Variants in CTTN observed in about 807,000 individuals in gnomAD.
The protein encoded by CTTN is cortactin.
CTTN carries 28 observed loss-of-function variants against 84.0 expected under a neutral mutation model. That is an observed-to-expected ratio of 0.33 (90% CI 0.25 to 0.46). The LOEUF is 0.46. Among genes scored for constraint, CTTN ranks in the 20% least tolerant of loss-of-function variants. The probability of loss-of-function intolerance (pLI) is 1.00; values close to 1 mark genes in which losing one functional copy is unlikely to be tolerated. For synonymous variants in CTTN, 301 were observed against 288.8 expected (o/e 1.04, Z -0.43); for missense variants, 641 against 723.8 (o/e 0.89, Z 1.31).
chr11:70,407,222 G>T, intron 2 of CTTN, 76 bp from the exon 3 acceptor site: 2 of 1,235,018 alleles, frequency 1.6e-6, no homozygotes, highest in Non-Finnish European at 2.3e-6. Flanking sequence ...CGGTAGTTTT[G>T]GCCAAAGGGC....
At position 70,407,315 on chromosome 11, in the gene CTTN, A is replaced by G. The variant is rs773918766; in HGVS notation, c.18A>G (p.Ala6=). MWKAS[A]GHAVSIAQDD... ...TCTTTCAGATGTGGAAAGCTTCAGCAGGCCACGCTGTGTCCATCGCCCAGG... is the reference window on the plus strand; with the variant it reads ...TCTTTCAGATGTGGAAAGCTTCAGCGGGCCACGCTGTGTCCATCGCCCAGG... Residue 6 remains alanine, a synonymous_variant, in exon 3 of 18, where the codon GCA becomes GCG. Coordinates refer to ENST00000301843, the MANE Select transcript of CTTN (RefSeq NM_005231.4). The G allele has an allele frequency of 2.4e-5, 38 of 1,552,124 alleles. No individual in the cohort carries two copies. In the African/African-American group the frequency reaches 4.9e-4, roughly 20 times the overall value.
chr11:70,402,141 A>G (rs2057992856), intron 1 of CTTN, among the ~76,000 whole-genome samples: 1 of 152,224 alleles, frequency 6.6e-6, no homozygotes, highest in Admixed American at 6.5e-5. Context: ...CAACAGAGCA[A>G]GACTGTCTGA....
chr11:70,434,341 C>A (rs2058390805), intron 17 of CTTN, among the ~76,000 whole-genome samples: 1 of 152,244 alleles, frequency 6.6e-6, no homozygotes, highest in Admixed American at 6.5e-5. Flanking sequence ...CCACCTGGTC[C>A]ACAAAGTCAC....
chr11:70,400,947 G>A (rs1474127887), intron 1 of CTTN, among the ~76,000 whole-genome samples: 6 of 152,220 alleles, frequency 3.9e-5, no homozygotes, highest in Non-Finnish European at 8.8e-5. Context: ...TTTTGGCTAC[G>A]CAAGTGTCTG....
At position 70,417,428 on chromosome 11, in the gene CTTN, G is replaced by A. The variant is rs115998124; in HGVS notation, c.568+305G>A. On this transcript the variant is annotated intron_variant, in intron 8 of 17. Coordinates refer to ENST00000301843, the MANE Select transcript of CTTN (RefSeq NM_005231.4). ...GTTGCCCGGACTGGTCTTGATCTCC[G>A]TGGTCTCAAGCAATCCTCCCCCACC... Among the ~76,000 whole-genome samples, 502 of 151,762 alleles carry A rather than the reference G, an allele frequency of 3.3e-3. 4 individuals are homozygous for A. Among genetic ancestry groups the A allele is most frequent in the African/African-American group, 9.9e-3 (411 of 41,384 alleles).
chr11:70,409,244 A>T (rs1206823222), intron 4 of CTTN, among the ~76,000 whole-genome samples: 4 of 152,112 alleles, frequency 2.6e-5, no homozygotes, highest in Non-Finnish European at 5.9e-5. Context: ...GGGTCTCTCA[A>T]TGACAGCTGT....
At chr11:70,415,868 CA>C in intron 7 of CTTN, 151 bp downstream of exon 7, 1 of 714,004 alleles carries the variant, frequency 1.4e-6, no homozygotes, top group East Asian at 2.5e-5. Context: ...GCTGTTGCCA[CA>C]AGGAGGACTC....
At chr11:70,427,796 C>T (rs1239817524) in intron 13 of CTTN, among the ~76,000 whole-genome samples, 5 of 152,248 alleles carry the variant, frequency 3.3e-5, no homozygotes, top group Admixed American at 3.3e-4. Context: ...CATTTGCTGT[C>T]ATCATCTATT....
At chr11:70,413,339 T>C (rs2058117034) in intron 5 of CTTN, among the ~76,000 whole-genome samples, 1 of 152,136 alleles carries the variant, frequency 6.6e-6, no homozygotes, top group Non-Finnish European at 1.5e-5. Context: ...GCACTGTCTG[T>C]GAAGGAGTCC....
Position 70,417,127 on chromosome 11 carries a change from G to T in CTTN, c.568+4G>T. 6.2e-7 allele frequency: 1 copy of T among 1,611,436 alleles called. No homozygotes were observed. Among genetic ancestry groups the T allele is most frequent in the Non-Finnish European group, 8.5e-7 (1 of 1,177,580 alleles). ...GAGAAGCACGAGTCACAGAGAGGTG[G>T]GGCGGACCCCACGGTCTGTAATCAC... On this transcript the variant is annotated splice_donor_region_variant and intron_variant, in intron 8 of 17. Coordinates refer to ENST00000301843, the MANE Select transcript of CTTN (RefSeq NM_005231.4).
intron 4 of CTTN, 62 bp from the exon 5 acceptor site, chr11:70,409,769 C>T: frequency 6.4e-7 from 1 of 1,559,300 alleles, no homozygotes; most frequent in Non-Finnish European, 8.8e-7. Context: ...TTTATCATAC[C>T]AGGAGGCAAA....
At chr11:70,421,688 T>TTG in intron 11 of CTTN, 108 bp downstream of exon 11, 1 of 746,338 alleles carries the variant, frequency 1.3e-6, no homozygotes, top group Non-Finnish European at 2.4e-6. Context: ...TCCTCCTGTG[T>TTG]CACCACTTGT....
At chr11:70,431,742 T>C (rs2058356031) in intron 15 of CTTN, among the ~76,000 whole-genome samples, 2 of 151,876 alleles carry the variant, frequency 1.3e-5, no homozygotes, top group Admixed American at 1.3e-4. Context: ...CCCTCATGAG[T>C]GTGGCTGCAG....
chr11:70,413,828 AT>A (rs1206795616), intron 5 of CTTN, among the ~76,000 whole-genome samples: 1 of 152,130 alleles, frequency 6.6e-6, no homozygotes, highest in Non-Finnish European at 1.5e-5. Flanking sequence ...CTGGCAGACT[AT>A]TTTTTGTGCC....
At chr11:70,420,710 G>A (rs915724080) in intron 10 of CTTN, among the ~76,000 whole-genome samples, 200 bp downstream of exon 10, 4 of 152,220 alleles carry the variant, frequency 2.6e-5, no homozygotes, top group South Asian at 2.1e-4. Flanking sequence ...CTGACACGGG[G>A]TGGTACCCCA....
intron 1 of CTTN, among the ~76,000 whole-genome samples, chr11:70,402,220 T>C (rs1249924681): frequency 1.3e-5 from 2 of 152,244 alleles, no homozygotes; most frequent in Non-Finnish European, 2.9e-5. Flanking sequence ...TACTTCACGT[T>C]TGTGCAATCT....
chr11:70,431,219 C>T lies in CTTN; in HGVS notation c.1205C>T (p.Pro402Leu), dbSNP rs1565500121. 1.9e-6 allele frequency: 3 copies of T among 1,614,180 alleles called. No homozygotes were observed. Among genetic ancestry groups the T allele is most frequent in the Non-Finnish European group, 8.5e-7 (1 of 1,180,036 alleles). Residue 402 changes from proline (P) to leucine (L), a missense_variant, in exon 15 of 18, where the codon CCC (proline) becomes CTC (leucine). Physicochemically the swap from Pro to Leu is moderately conservative, Grantham distance 98. Transcript: ENST00000301843. ...CAAGCCAGAGCCAAAACGCAAACGC[C>T]CCCTGTGTCGCCCGCACCTCAGCCA... ...EEQARAKTQT[P>L]PVSPAPQPTE...
At position 70,435,546 on chromosome 11, in the gene CTTN, G is replaced by C. The variant is rs766922817; in HGVS notation, c.*384G>C. The C allele has an allele frequency of 1.3e-6, 2 of 1,571,636 alleles. No individual in the cohort carries two copies. The highest frequency in any genetic ancestry group is 1.8e-5 in the Admixed American group (1 of 55,572). ...AGTCGGGACCTCCCAGGACAAGCAC[G>C]AGGCCTCAGGTCGGCCCTGTGGCGG... On this transcript the variant is annotated 3_prime_UTR_variant, in exon 18 of 18. Coordinates refer to ENST00000301843, the MANE Select transcript of CTTN (RefSeq NM_005231.4).
chr11:70,408,978 A>G (rs368667211), intron 4 of CTTN, among the ~76,000 whole-genome samples: 133 of 152,292 alleles, frequency 8.7e-4, no homozygotes, highest in South Asian at 4.6e-3. Context: ...ACAACTCTCC[A>G]GTACAAAACC....
Sources: allele counts gnomAD v4.1 joint callset (sites outside exome capture counted in the v4.1 genomes callset), GRCh38; gene constraint gnomAD v4.1.1; transcripts MANE v1.5; gene names NCBI Gene and HGNC (gene_info 2026-07-23, HGNC 2026-07-21).